The following SERAC1 variants were observed in gnomAD, a reference collection of about 807,000 sequenced individuals.
SERAC1 encodes the protein protein SERAC1.
A neutral mutation model predicts 85.7 loss-of-function variants in SERAC1; 36 were observed. That is an observed-to-expected ratio of 0.42 (90% CI 0.32 to 0.55). The LOEUF is 0.55. Ranked by LOEUF, SERAC1 falls within the 20% of genes least tolerant of loss-of-function variation. The probability of loss-of-function intolerance (pLI) is 0.11; values close to 1 mark genes in which losing one functional copy is unlikely to be tolerated. For missense variants in SERAC1, 629 were observed against 796.2 expected (o/e 0.79, Z 2.53); for synonymous variants, 242 against 265.3 (o/e 0.91, Z 0.85).
chr6:158,164,557 G>A (rs1785555435), intron 1 of SERAC1, among the ~76,000 whole-genome samples: 1 of 152,040 alleles, frequency 6.6e-6, no homozygotes. Flanking sequence ...GAAATTTTGA[G>A]ACTAAGAAAG....
At chr6:158,116,419 C>G in intron 13 of SERAC1, 137 bp from the exon 14 acceptor site, 1 of 651,654 alleles carries the variant, frequency 1.5e-6, no homozygotes, top group Non-Finnish European at 2.7e-6. Context: ...TACCCCCATT[C>G]TCTCTGCTTA....
intron 10 of SERAC1, among the ~76,000 whole-genome samples, chr6:158,127,427 C>T (rs1784572483): frequency 6.3e-5 from 2 of 31,812 alleles, no homozygotes; most frequent in African/African-American, 1.1e-4. Context: ...TGAGGGGCGC[C>T]TCTGCCCGGC....
chr6:158,111,386 C>A lies in SERAC1; in HGVS notation c.1945G>T (p.Ala649Ser). The change falls in exon 17 of 17, where the codon GCC becomes TCC. Residue 649 changes from alanine (A) to serine (S), a missense_variant. Ala to Ser is a moderately conservative substitution (Grantham distance 99). Coordinates refer to ENST00000647468, the MANE Select transcript of SERAC1 (RefSeq NM_032861.4). ...RTLQFIREAL[A>S]KDLEN Reference sequence around the variant, plus strand: ...AACTGTTAGTTTTCAAGGTCTTTGGCTAAAGCTTCACGAATGAATTGTAAA... The same window carrying A: ...AACTGTTAGTTTTCAAGGTCTTTGGATAAAGCTTCACGAATGAATTGTAAA... 1 of 1,597,892 alleles carries A rather than the reference C, an allele frequency of 6.3e-7. No individual in the cohort carries two copies. Among genetic ancestry groups the A allele is most frequent in the Non-Finnish European group, 8.5e-7 (1 of 1,175,478 alleles).
intron 1 of SERAC1, among the ~76,000 whole-genome samples, chr6:158,165,956 G>C (rs1048757008): frequency 6.6e-6 from 1 of 152,212 alleles, no homozygotes; most frequent in Non-Finnish European, 1.5e-5. Flanking sequence ...AAGTTCTGGA[G>C]ATAGATAGTA....
At position 158,130,451 on chromosome 6, in the gene SERAC1, A is replaced by G. The variant is rs749218634; in HGVS notation, c.774T>C (p.Pro258=). ...GAACTTCTCCAAAACTTTCAGCATA[A>G]GGAAGTCCATTTCCTCCAAAACACC... ...GLWCFGGNGL[P]YAESFGEVPS... is the part of the protein sequence containing the mutation. Residue 258 remains proline, a synonymous_variant, in exon 9 of 17, where the codon CCT becomes CCC. Coordinates refer to ENST00000647468, the MANE Select transcript of SERAC1 (RefSeq NM_032861.4). The G allele has an allele frequency of 6.2e-7, 1 of 1,604,246 alleles. No homozygotes were observed. The highest frequency in any genetic ancestry group is 8.5e-7 in the Non-Finnish European group (1 of 1,176,748).
At position 158,158,336 on chromosome 6, in the gene SERAC1, A is replaced by G. The variant is rs1785406652; in HGVS notation, c.28T>C (p.Cys10Arg). 6.2e-7 allele frequency: 1 copy of G among 1,613,898 alleles called. No individual in the cohort carries two copies. Among genetic ancestry groups the G allele is most frequent in the East Asian group, 2.2e-5 (1 of 44,870 alleles). The change falls in exon 2 of 17, where the codon TGT (cysteine) becomes CGT (arginine). Residue 10 changes from cysteine to arginine, a missense_variant. Transcript: ENST00000647468. ...GTAGAGGTTCCTATTCTTCTGCAAC[A>G]GATGACGCAATAAGCAGCCAGGGAC... MSLAAYCVI[C>R]CRRIGTSTSP...
chr6:158,136,145 C>T (rs562349354), intron 8 of SERAC1, among the ~76,000 whole-genome samples: 242 of 152,032 alleles, frequency 1.6e-3, no homozygotes, highest in Non-Finnish European at 1.7e-3. Context: ...GTATTATTTT[C>T]GCAATTATTT....
rs1785305261 is a variant in SERAC1, at chr6:158,155,368, G to A, written c.92-17C>T. Reference sequence around the variant, plus strand: ...TTATATTTCCTTCAAAAGAAAAAAAGTCAATGTGATGAATTTCATTTTTAA... The same window carrying A: ...TTATATTTCCTTCAAAAGAAAAAAAATCAATGTGATGAATTTCATTTTTAA... On this transcript the variant is annotated splice_polypyrimidine_tract_variant and intron_variant, in intron 2 of 16. Coordinates refer to ENST00000647468, the MANE Select transcript of SERAC1 (RefSeq NM_032861.4). 3 of 1,464,428 alleles carry A rather than the reference G, an allele frequency of 2.0e-6. No homozygotes were observed. 90.7% of individuals were successfully genotyped at this position (1,464,428 alleles called of 1,614,324 possible).
intron 1 of SERAC1, among the ~76,000 whole-genome samples, chr6:158,165,049 C>T (rs1008420330): frequency 6.6e-6 from 1 of 152,192 alleles, no homozygotes; most frequent in African/African-American, 2.4e-5. Context: ...AGAGCTGCTT[C>T]CATAAAAGCA....
chr6:158,124,748 A>AACACACACAC (rs201023302), intron 10 of SERAC1, among the ~76,000 whole-genome samples: 19 of 131,474 alleles, frequency 1.4e-4, no homozygotes, highest in African/African-American at 5.4e-4. Flanking sequence ...AATGCTGGAA[A>AACACACACAC]ACACACACAC....
rs755406082 is a variant in SERAC1, at chr6:158,116,181, T to G, written c.1501+4A>C. 4.3e-6 allele frequency: 7 copies of G among 1,612,424 alleles called. No individual in the cohort carries two copies. In the Admixed American group the frequency reaches 1.0e-4, roughly 23 times the overall value. On this transcript the variant is annotated splice_donor_region_variant and intron_variant, in intron 14 of 16. Coordinates refer to ENST00000647468, the MANE Select transcript of SERAC1 (RefSeq NM_032861.4). Reference sequence around the variant, plus strand: ...CCACTTCACAAAGTTGAAGCCACACTTACCTCCCATGCTATGTGATATCCA... The same window carrying G: ...CCACTTCACAAAGTTGAAGCCACACGTACCTCCCATGCTATGTGATATCCA...
intron 8 of SERAC1, among the ~76,000 whole-genome samples, chr6:158,136,246 TC>T (rs1784790638): frequency 1.3e-5 from 2 of 152,248 alleles, no homozygotes; most frequent in South Asian, 4.1e-4. Flanking sequence ...ATTGAATGCA[TC>T]CATACATATA....
intron 9 of SERAC1, among the ~76,000 whole-genome samples, chr6:158,129,592 A>G (rs1583574621): frequency 6.6e-6 from 1 of 152,072 alleles, no homozygotes; most frequent in South Asian, 2.1e-4. Flanking sequence ...AACTATCATC[A>G]TGACAGAAAA....
chr6:158,117,958 G>T lies in SERAC1; in HGVS notation c.1309-137C>A. Reference sequence around the variant, plus strand: ...CACTGGAATAAGGTTTGAAGGTACCGTAAAAACAATTCCAGCACTATCTTT... The same window carrying T: ...CACTGGAATAAGGTTTGAAGGTACCTTAAAAACAATTCCAGCACTATCTTT... On this transcript the variant is annotated intron_variant, in intron 12 of 16. Coordinates refer to ENST00000647468, the MANE Select transcript of SERAC1 (RefSeq NM_032861.4). This position sits in a 1 kb window ranked among gnomAD's most constrained non-coding sequence, Gnocchi z 4.3. 1.5e-6 allele frequency: 1 copy of T among 665,512 alleles called. No homozygotes were observed. Among genetic ancestry groups the T allele is most frequent in the Non-Finnish European group, 2.5e-6 (1 of 394,720 alleles). 41.2% of individuals were successfully genotyped at this position (665,512 alleles called of 1,614,324 possible).
rs1242653551 is a variant in SERAC1 at position 158,120,509 on chromosome 6, C to G, written c.1082G>C (p.Arg361Thr). The change falls in exon 11 of 17, where the codon AGA becomes ACA. Residue 361 changes from arginine to threonine, a missense_variant. By Grantham distance (71) the Arg-to-Thr change is moderately conservative (BLOSUM62 -1). Transcript: ENST00000647468. The surrounding 1 kb of genome is among the most constrained non-coding windows in gnomAD (Gnocchi z 4.4). ...PHIMESSHAA[R>T]ILANLDRETV... is the part of the protein sequence containing the mutation. ...TTCTCGGTCTAGATTTGCCAGGATT[C>G]TGGCAGCGTGTGAGGACTCCATAAT... 1.2e-6 allele frequency: 2 copies of G among 1,614,116 alleles called. No homozygotes were observed. The highest frequency in any genetic ancestry group is 4.5e-5 in the East Asian group (2 of 44,872).
chr6:158,145,010 G>A (rs534284649), intron 6 of SERAC1, among the ~76,000 whole-genome samples: 4 of 152,276 alleles, frequency 2.6e-5, no homozygotes, highest in East Asian at 1.9e-4. Context: ...TTGGGAAGCC[G>A]AGGCGGGCGG....
rs1165167399 is a variant in SERAC1 at position 158,114,979 on chromosome 6, C to T, written c.1502-8G>A. 1 of 1,600,658 alleles carries T rather than the reference C, an allele frequency of 6.2e-7. No individual in the cohort carries two copies. The highest frequency in any genetic ancestry group is 8.5e-7 in the Non-Finnish European group (1 of 1,175,006). ...TCTTTTTGACAAGAAGACCTAGCCA[C>T]AGACAAGGGAAAAAAACAATGCATA... On this transcript the variant is annotated splice_polypyrimidine_tract_variant and splice_region_variant and intron_variant, in intron 14 of 16. Transcript: ENST00000647468.
At chr6:158,150,963 TAATA>T (rs1246185584) in intron 3 of SERAC1, 2 of 166,450 alleles carry the variant, frequency 1.2e-5, no homozygotes, top group African/African-American at 4.8e-5. Flanking sequence ...TACTTGATAA[TAATA>T]AATGTTACTG....
chr6:158,143,303 A>C, intron 7 of SERAC1, 119 bp from the exon 8 acceptor site: 1 of 596,666 alleles, frequency 1.7e-6, no homozygotes, highest in Non-Finnish European at 2.5e-6. Flanking sequence ...TTATGTGTGC[A>C]TGTCTCTCTC....
Sources: gnomAD v4.1 joint callset for allele counts (sites outside exome capture counted in the v4.1 genomes callset) on GRCh38, gnomAD v4.1.1 for gene constraint, Gnocchi (gnomAD v3.1) non-coding constraint, MANE v1.5 for transcripts, NCBI Gene and HGNC (gene_info 2026-07-23, HGNC 2026-07-21) for gene names.